Variants in PXDN observed in about 807,000 individuals in gnomAD.
The protein encoded by PXDN is peroxidasin homolog.
In PXDN, 77 loss-of-function variants were observed where a neutral mutation model predicts 140.3. The ratio of observed to expected loss-of-function variants is 0.55; its 90% CI spans 0.46 to 0.66. The LOEUF is 0.66. Ranked by LOEUF, PXDN falls within the 30% of genes least tolerant of loss-of-function variation. The pLI is 0.00. For synonymous variants in PXDN, 911 were observed against 857.4 expected, an observed-to-expected ratio of 1.06 and a Z score of -1.09; for missense variants, 1,838 against 2,039.5, an observed-to-expected ratio of 0.90 and a Z score of 1.90.
intron 12 of PXDN, 106 bp from the exon 13 acceptor site, chr2:1,662,290 G>A: frequency 1.0e-6 from 1 of 955,974 alleles, no homozygotes; most frequent in South Asian, 1.4e-5. Context: ...GGGATGCTGG[G>A]AGCTCACAGT....
At position 1,676,992 on chromosome 2, in the gene PXDN, G is replaced by A. The variant is rs750842501; in HGVS notation, c.783C>T (p.Asn261=). ...CGGCTCTGCAGGTGAAGTACACGGT[G>A]TTCCCCGAGGTCACATCTGCGTCCT... The part of the protein sequence containing the change: ...EPQDADVTSG[N]TVYFTCRAEG... Residue 261 remains asparagine (N), a synonymous_variant, in exon 8 of 23, where the codon AAC becomes AAT. Coordinates refer to ENST00000252804, the MANE Select transcript of PXDN (RefSeq NM_012293.3). 1.9e-6 allele frequency: 3 copies of A among 1,612,948 alleles called. No individual in the cohort carries two copies. The highest frequency in any genetic ancestry group is 1.7e-5 in the Admixed American group (1 of 59,946).
At chr2:1,646,777 A>G (rs1183731475) in intron 17 of PXDN, among the ~76,000 whole-genome samples, 1 of 152,224 alleles carries the variant, frequency 6.6e-6, no homozygotes, top group African/African-American at 2.4e-5. Context: ...CTTCTTTTTA[A>G]AACAATGTTT....
chr2:1,693,304 ATG>A (rs1365895197), intron 1 of PXDN, among the ~76,000 whole-genome samples, 170 bp from the exon 2 acceptor site: 2 of 152,256 alleles, frequency 1.3e-5, no homozygotes, highest in African/African-American at 4.8e-5. Flanking sequence ...GTGTATGAAT[ATG>A]TGTCTGAATG....
chr2:1,692,433 G>A, intron 2 of PXDN: 1 of 465,720 alleles, frequency 2.1e-6, no homozygotes, highest in Non-Finnish European at 4.5e-6. Context: ...CACAGACAAG[G>A]GCCTGGGGTG....
At chr2:1,721,607 C>T (rs990466095) in intron 1 of PXDN, among the ~76,000 whole-genome samples, 4 of 152,130 alleles carry the variant, frequency 2.6e-5, no homozygotes, top group Non-Finnish European at 5.9e-5. Context: ...GAGGCCGAGG[C>T]GGGCGGATCA....
chr2:1,648,361 G>A lies in PXDN; in HGVS notation c.3419C>T (p.Thr1140Met), dbSNP rs759188590. 73 of 1,613,322 alleles carry A rather than the reference G, an allele frequency of 4.5e-5. No homozygotes were observed. The highest frequency in any genetic ancestry group is 5.8e-5 in the Non-Finnish European group (69 of 1,179,904). The part of the protein sequence containing the change: ...VPSQLLNTEL[T>M]ERLFSMAHTV... ...GTGTGCCATGGAGAACAGCCGCTCC[G>A]TGAGCTCCGTGTTCAGCAGCTGCGA... Residue 1140 changes from threonine to methionine, a missense_variant, in exon 17 of 23, where the codon ACG becomes ATG. This residue lies in a region of PXDN where 850 missense variants were observed against 894.1 expected (regional missense o/e 0.95). Coordinates refer to ENST00000252804, the MANE Select transcript of PXDN (RefSeq NM_012293.3). This position sits in a 1 kb window ranked among gnomAD's most constrained non-coding sequence, Gnocchi z 8.9.
At position 1,649,382 on chromosome 2, in the gene PXDN, TG is replaced by T; in HGVS notation, c.2397del (p.Thr800ProfsTer3). On this transcript the variant is annotated frameshift_variant, in exon 17 of 23. Coordinates refer to ENST00000252804, the MANE Select transcript of PXDN (RefSeq NM_012293.3). LOFTEE classifies it high-confidence loss of function. This position sits in a 1 kb window ranked among gnomAD's most constrained non-coding sequence, Gnocchi z 7.1. ...GHALPMPRLV[S>X]TTLIGTETVT... Reference sequence around the variant, plus strand: ...ACGGTCTCCGTCCCGATCAGGGTGGTGGACACCAGGCGCGGCATGGGAAGGG... The same window carrying T: ...ACGGTCTCCGTCCCGATCAGGGTGGTGACACCAGGCGCGGCATGGGAAGGG... 6.2e-7 allele frequency: 1 copy of T among 1,613,796 alleles called. No individual in the cohort carries two copies. Among genetic ancestry groups the T allele is most frequent in the African/African-American group, 1.3e-5 (1 of 74,988 alleles).
intron 19 of PXDN, among the ~76,000 whole-genome samples, chr2:1,642,403 T>C (rs1018282842): frequency 1.3e-5 from 2 of 152,242 alleles, no homozygotes; most frequent in African/African-American, 4.8e-5. Flanking sequence ...GTGGAGAATA[T>C]GTGGACAGTG....
intron 1 of PXDN, among the ~76,000 whole-genome samples, chr2:1,729,338 C>G (rs1685260843): frequency 6.6e-6 from 1 of 152,110 alleles, no homozygotes; most frequent in Non-Finnish European, 1.5e-5. Flanking sequence ...AGCCCCTGAC[C>G]CTCCCTTCAG....
At chr2:1,673,270 A>G (rs976567160) in intron 9 of PXDN, among the ~76,000 whole-genome samples, 1 of 151,688 alleles carries the variant, frequency 6.6e-6, no homozygotes, top group African/African-American at 2.4e-5. Context: ...CAAAATAGAG[A>G]CCTCGTTACC....
chr2:1,658,899 C>A (rs1683237972), intron 14 of PXDN, among the ~76,000 whole-genome samples: 1 of 152,072 alleles, frequency 6.6e-6, no homozygotes, highest in Non-Finnish European at 1.5e-5. Context: ...CTCTGCTTCC[C>A]CCTCCGGCCC....
rs183747288 is a variant in PXDN, at chr2:1,652,753, G to A, written c.2104+875C>T. Among the ~76,000 whole-genome samples the A allele has an allele frequency of 2.5e-3, 379 of 152,214 alleles. 1 individual carries two copies. The highest frequency in any genetic ancestry group is 8.3e-3 in the African/African-American group (345 of 41,534). ...CAGAGCAACACTCTACTCCGAAGAC[G>A]GGCATATATCACCCTACAGGTCTCA... On this transcript the variant is annotated intron_variant, in intron 16 of 22. Transcript: ENST00000252804.
intron 1 of PXDN, among the ~76,000 whole-genome samples, chr2:1,726,042 T>C (rs1311322975): frequency 1.3e-5 from 2 of 151,522 alleles, no homozygotes; most frequent in African/African-American, 2.4e-5. Context: ...GATCTAGAAC[T>C]AGAAATACCA....
chr2:1,684,406 T>C lies in PXDN; in HGVS notation c.417-255A>G, dbSNP rs150129218. 2.6e-3 allele frequency among the ~76,000 whole-genome samples: 389 copies of C among 152,324 alleles called. 2 individuals are homozygous for C. Among genetic ancestry groups the C allele is most frequent in the African/African-American group, 9.1e-3 (377 of 41,580 alleles). ...GGCCTAGAGGTGCTCACTGAGGTCC[T>C]TGACACCGCGTGAGAAGGGCAGTGC... On this transcript the variant is annotated intron_variant, in intron 4 of 22. Coordinates refer to ENST00000252804, the MANE Select transcript of PXDN (RefSeq NM_012293.3).
chr2:1,635,845 C>T (rs189786859), intron 21 of PXDN: 7 of 373,110 alleles, frequency 1.9e-5, no homozygotes, highest in African/African-American at 8.4e-5. Context: ...CCAGAACGAA[C>T]GATGATCACT....
chr2:1,719,882 G>A (rs1684980616), intron 1 of PXDN, among the ~76,000 whole-genome samples: 1 of 144,250 alleles, frequency 6.9e-6, no homozygotes, highest in African/African-American at 2.6e-5. Context: ...GTGAAAGAGA[G>A]AGAGGGAGGG....
intron 14 of PXDN, among the ~76,000 whole-genome samples, chr2:1,658,146 TGCCCGCCCG>T (rs1291035969): frequency 2.7e-5 from 4 of 146,924 alleles, no homozygotes; most frequent in Non-Finnish European, 6.0e-5. Flanking sequence ...CATTCTGCCT[TGCCCGCCCG>T]GCCTCTGAGG....
At position 1,701,249 on chromosome 2, in the gene PXDN, T is replaced by C. The variant is rs565690762; in HGVS notation, c.201-8115A>G. Reference sequence around the variant, plus strand: ...GAGCTTGTGTTCCGAGAGTCACAGATGGCAGTGCTTTACCACAGGGGTGAG... The same window carrying C: ...GAGCTTGTGTTCCGAGAGTCACAGACGGCAGTGCTTTACCACAGGGGTGAG... On this transcript the variant is annotated intron_variant, in intron 1 of 22. Transcript: ENST00000252804. 1.8e-3 allele frequency among the ~76,000 whole-genome samples: 277 copies of C among 152,356 alleles called. 1 individual carries two copies. Among genetic ancestry groups the C allele is most frequent in the Admixed American group, 2.6e-3 (40 of 15,314 alleles).
In PXDN at chr2:1,660,906, C is replaced by T. The variant is rs772922626; in HGVS notation, c.1812G>A (p.Ser604=). ...CATTCACACTGAGCACCATGCTCAC[C>T]GAGGCCGACCCAATGGTGTTCCGGG... is the stretch of plus-strand genomic sequence containing the variant. ...CVARNTIGSA[S]VSMVLSVNVP... Residue 604 remains serine, a synonymous_variant, in exon 14 of 23, where the codon TCG becomes TCA. Transcript: ENST00000252804. The surrounding 1 kb of genome is among the most constrained non-coding windows in gnomAD (Gnocchi z 4.6). The T allele has an allele frequency of 3.7e-6, 6 of 1,613,274 alleles. No homozygotes were observed. Among genetic ancestry groups the T allele is most frequent in the Admixed American group, 3.3e-5 (2 of 59,992 alleles).
Sources: allele counts gnomAD v4.1 joint callset (sites outside exome capture counted in the v4.1 genomes callset), GRCh38; gene constraint gnomAD v4.1.1; regional missense constraint gnomAD v4.1.1; non-coding constraint Gnocchi (gnomAD v3.1); transcripts MANE v1.5; gene names NCBI Gene and HGNC (gene_info 2026-07-23, HGNC 2026-07-21).